Variants in CAMK4 observed in about 807,000 individuals in gnomAD.
CAMK4 encodes the protein calcium/calmodulin-dependent protein kinase type IV.
A neutral mutation model predicts 44.9 loss-of-function variants in CAMK4; 22 were observed. That is an observed-to-expected ratio of 0.49 (90% CI 0.35 to 0.70). The LOEUF is 0.70. CAMK4 is among the 30% of genes least tolerant of loss of function. The pLI is 0.01. For missense variants in CAMK4, 498 were observed against 586.8 expected, an observed-to-expected ratio of 0.85 and a Z score of 1.56; for synonymous variants, 218 against 215.4, an observed-to-expected ratio of 1.01 and a Z score of -0.11.
At chr5:111,277,271 T>G (rs1750806806) in intron 1 of CAMK4, among the ~76,000 whole-genome samples, 2 of 152,192 alleles carry the variant, frequency 1.3e-5, no homozygotes, top group African/African-American at 4.8e-5. Flanking sequence ...CACTGGAGTC[T>G]AGTAGGAGCT....
At chr5:111,261,003 G>A (rs1749949765) in intron 1 of CAMK4, among the ~76,000 whole-genome samples, 1 of 152,084 alleles carries the variant, frequency 6.6e-6, no homozygotes, top group East Asian at 1.9e-4. Flanking sequence ...TTCAAAATAT[G>A]TAAATAGGCT....
intron 4 of CAMK4, among the ~76,000 whole-genome samples, chr5:111,392,144 A>G (rs1182227470): frequency 6.6e-6 from 1 of 152,158 alleles, no homozygotes. Flanking sequence ...GTTCTCATAC[A>G]CTATAAAGAA....
intron 7 of CAMK4, among the ~76,000 whole-genome samples, chr5:111,455,507 T>C (rs1754384774): frequency 6.6e-6 from 1 of 151,970 alleles, no homozygotes; most frequent in South Asian, 2.1e-4. Context: ...AAAGAGAGAG[T>C]CCCTCACCTT....
At chr5:111,426,089 A>G (rs1179672178) in intron 5 of CAMK4, among the ~76,000 whole-genome samples, 1 of 133,048 alleles carries the variant, frequency 7.5e-6, no homozygotes, top group Admixed American at 7.5e-5. Context: ...TTTTTTAAGT[A>G]TTCCAAATTA....
chr5:111,298,758 T>C (rs145627358), intron 1 of CAMK4, among the ~76,000 whole-genome samples: 18 of 152,348 alleles, frequency 1.2e-4, no homozygotes, highest in Non-Finnish European at 1.8e-4. Context: ...CAGATGAGGT[T>C]GATCAGATGA....
At chr5:111,422,273 T>C (rs1205139303) in intron 5 of CAMK4, among the ~76,000 whole-genome samples, 1 of 152,244 alleles carries the variant, frequency 6.6e-6, no homozygotes, top group Non-Finnish European at 1.5e-5. Context: ...TAAGAATGCC[T>C]TCTTTATACT....
intron 5 of CAMK4, among the ~76,000 whole-genome samples, chr5:111,404,816 G>A (rs1752356758): frequency 6.6e-6 from 1 of 152,112 alleles, no homozygotes; most frequent in South Asian, 2.1e-4. Context: ...TTAGTTGGTT[G>A]GGGACTTACT....
chr5:111,476,673 A>T (rs1166017227), intron 8 of CAMK4, among the ~76,000 whole-genome samples: 2 of 152,120 alleles, frequency 1.3e-5, no homozygotes, highest in Non-Finnish European at 2.9e-5. Context: ...AATGAAGGCC[A>T]TTCTATTTTT....
chr5:111,486,588 G>T lies in CAMK4; in HGVS notation c.*2122G>T, dbSNP rs1315015156. 6.6e-6 allele frequency: 1 copy of T among 151,102 alleles called. No homozygotes were observed. Among genetic ancestry groups the T allele is most frequent in the Admixed American group, 6.6e-5 (1 of 15,042 alleles). The allele number at this position is 151,102 out of a possible 1,614,324, so 9.4% of individuals were successfully genotyped here. On this transcript the variant is annotated 3_prime_UTR_variant, in exon 11 of 11. Transcript: ENST00000282356. ...GGGAAGGGGGTCTTTTTAGAAAGTG[G>T]CACTTGGCGCTTAGCTGAAAGATCA... is the stretch of plus-strand genomic sequence containing the variant.
chr5:111,427,282 C>T lies in CAMK4; in HGVS notation c.460-19404C>T, dbSNP rs543021406. Among the ~76,000 whole-genome samples, 6 of 152,206 alleles carry T rather than the reference C, an allele frequency of 3.9e-5. No homozygotes were observed. The South Asian group carries it at 1.2e-3, about 32-fold the overall frequency. ...AACCTGATACTTTGAAAGAAAGGAC[C>T]CAGTCCTGGCAGTATTCATCACCTG... On this transcript the variant is annotated intron_variant, in intron 5 of 10. Coordinates refer to ENST00000282356, the MANE Select transcript of CAMK4 (RefSeq NM_001744.6).
At chr5:111,289,729 G>A (rs1446057433) in intron 1 of CAMK4, among the ~76,000 whole-genome samples, 1 of 152,066 alleles carries the variant, frequency 6.6e-6, no homozygotes, top group Non-Finnish European at 1.5e-5. Context: ...TTGCTTTTTT[G>A]TTGGCCTATA....
At chr5:111,292,441 A>G (rs1385506259) in intron 1 of CAMK4, among the ~76,000 whole-genome samples, 2 of 152,108 alleles carry the variant, frequency 1.3e-5, no homozygotes, top group East Asian at 3.8e-4. Flanking sequence ...GTGTATATAT[A>G]TGTATATATA....
intron 1 of CAMK4, among the ~76,000 whole-genome samples, chr5:111,250,062 C>G (rs757212215): frequency 1.1e-4 from 17 of 152,142 alleles, no homozygotes; most frequent in Non-Finnish European, 2.2e-4. Context: ...CCAGGACTAC[C>G]TGATTATCTG....
intron 1 of CAMK4, among the ~76,000 whole-genome samples, chr5:111,339,130 C>G (rs1440982255): frequency 6.6e-6 from 1 of 151,164 alleles, no homozygotes; most frequent in Admixed American, 6.6e-5. Context: ...CATATTAACC[C>G]CTTATCAGAT....
rs758643186 is a variant in CAMK4, at chr5:111,224,522, C to T, written c.39C>T (p.Ser13=). The part of the protein sequence containing the change: ...KVTVPSCSAS[S]CSSVTASAAP... ...CGGTGCCCTCCTGCTCCGCCTCGTCCTGCTCTTCGGTCACCGCCAGTGCGG... is the reference window on the plus strand; with the variant it reads ...CGGTGCCCTCCTGCTCCGCCTCGTCTTGCTCTTCGGTCACCGCCAGTGCGG... The change falls in exon 1 of 11, where the codon TCC becomes TCT. Residue 13 remains serine, a synonymous_variant. Coordinates refer to ENST00000282356, the MANE Select transcript of CAMK4 (RefSeq NM_001744.6). The surrounding 1 kb of genome is among the most constrained non-coding windows in gnomAD (Gnocchi z 5.7). 5.6e-6 allele frequency: 9 copies of T among 1,611,374 alleles called. No individual in the cohort carries two copies. The highest frequency in any genetic ancestry group is 2.2e-5 in the East Asian group (1 of 44,718).
At chr5:111,351,789 G>T (rs903983380) in intron 2 of CAMK4, among the ~76,000 whole-genome samples, 3 of 152,032 alleles carry the variant, frequency 2.0e-5, no homozygotes, top group Non-Finnish European at 4.4e-5. Flanking sequence ...TGTGAGGTAG[G>T]TGCTATCATT....
At position 111,290,648 on chromosome 5, in the gene CAMK4, C is replaced by T. The variant is rs952692365; in HGVS notation, c.162-53376C>T. Among the ~76,000 whole-genome samples, 9 of 152,104 alleles carry T rather than the reference C, an allele frequency of 5.9e-5. No homozygotes were observed. The highest frequency in any genetic ancestry group is 1.9e-4 in the African/African-American group (8 of 41,422). The stretch of plus-strand genomic sequence containing the variant: ...CTGGGCACAGACAAGCACTAAAAGG[C>T]GCTAGTGTTTCCACTGGTGTTTCCA... On this transcript the variant is annotated intron_variant, in intron 1 of 10. Transcript: ENST00000282356. The surrounding 1 kb of genome is among the most constrained non-coding windows in gnomAD (Gnocchi z 4.5).
Position 111,493,564 on chromosome 5 carries a change from G to C in CAMK4, c.*9098G>C, listed in dbSNP as rs545125545. On this transcript the variant is annotated 3_prime_UTR_variant, in exon 11 of 11. Transcript: ENST00000282356. The surrounding 1 kb of genome is among the most constrained non-coding windows in gnomAD (Gnocchi z 4.1). Reference sequence around the variant, plus strand: ...TGATTGAATTCTACCTGAAAGTTTAGATTTTAAAAGACAACCTGTAGGAAG... The same window carrying C: ...TGATTGAATTCTACCTGAAAGTTTACATTTTAAAAGACAACCTGTAGGAAG... 8 of 152,272 alleles carry C rather than the reference G, an allele frequency of 5.3e-5. No homozygotes were observed. The South Asian group carries it at 1.2e-3, about 24-fold the overall frequency. The allele number at this position is 152,272 out of a possible 1,614,324, so 9.4% of individuals were successfully genotyped here. A position where few individuals can be genotyped will look rare whatever the true frequency, so the allele number is the denominator to read the frequency against.
chr5:111,385,044 C>T (rs552885581), intron 4 of CAMK4, among the ~76,000 whole-genome samples: 37 of 152,006 alleles, frequency 2.4e-4, no homozygotes, highest in Non-Finnish European at 4.9e-4. Flanking sequence ...GTGACATAGA[C>T]GCTAATATTT....
Sources: gnomAD v4.1 joint callset for allele counts (sites outside exome capture counted in the v4.1 genomes callset) on GRCh38, gnomAD v4.1.1 for gene constraint, Gnocchi (gnomAD v3.1) non-coding constraint, MANE v1.5 for transcripts, NCBI Gene and HGNC (gene_info 2026-07-23, HGNC 2026-07-21) for gene names.